ZHX2: variants seen among roughly 807,000 people sequenced by gnomAD.
ZHX2 encodes the protein zinc fingers and homeoboxes protein 2.
ZHX2 carries 6 observed loss-of-function variants against 21.9 expected under a neutral mutation model. That is an observed-to-expected ratio of 0.27 (90% CI 0.15 to 0.54). The LOEUF (loss-of-function observed/expected upper bound fraction) is 0.54, where lower values mean the gene tolerates loss of function less well. Ranked by LOEUF, ZHX2 falls within the 20% of genes least tolerant of loss-of-function variation. The probability of loss-of-function intolerance (pLI) is 0.95; values close to 1 mark genes in which losing one functional copy is unlikely to be tolerated. For synonymous variants in ZHX2, 434 were observed against 437.1 expected, an observed-to-expected ratio of 0.99 and a Z score of 0.09; for missense variants, 908 against 1,090.7, an observed-to-expected ratio of 0.83 and a Z score of 2.36.
chr8:122,929,754 G>A (rs1820938943), intron 2 of ZHX2, among the ~76,000 whole-genome samples: 1 of 151,954 alleles, frequency 6.6e-6, no homozygotes, highest in South Asian at 2.1e-4. Flanking sequence ...TTTGTTTCTT[G>A]TTCTTATATA....
Position 122,782,738 on chromosome 8 carries a change from G to A in ZHX2, c.-283+792G>A, listed in dbSNP as rs958845518. The stretch of plus-strand genomic sequence containing the variant: ...AGGGGGAGTCCGCGCGGGGCGGGGG[G>A]CCGAGGGCGGCCGCGGGACCCCCGG... On this transcript the variant is annotated intron_variant, in intron 1 of 3. Coordinates refer to ENST00000314393, the MANE Select transcript of ZHX2 (RefSeq NM_014943.5). The surrounding 1 kb of genome is among the most constrained non-coding windows in gnomAD (Gnocchi z 5.3). Among the ~76,000 whole-genome samples, 53 of 152,036 alleles carry A rather than the reference G, an allele frequency of 3.5e-4. No homozygotes were observed. The highest frequency in any genetic ancestry group is 5.6e-4 in the Non-Finnish European group (38 of 67,970).
chr8:122,891,674 T>A (rs1244099700), intron 2 of ZHX2, among the ~76,000 whole-genome samples: 2 of 152,356 alleles, frequency 1.3e-5, no homozygotes, highest in African/African-American at 4.8e-5. Flanking sequence ...CTTAACCTCT[T>A]CATTGAACCA....
intron 1 of ZHX2, among the ~76,000 whole-genome samples, chr8:122,799,846 T>C (rs1488327758): frequency 1.3e-5 from 2 of 152,206 alleles, no homozygotes; most frequent in African/African-American, 4.8e-5. Context: ...ACATTTGCTT[T>C]TCTTTTCTTT....
chr8:122,902,634 A>G (rs1156468186), intron 2 of ZHX2, among the ~76,000 whole-genome samples: 2 of 152,212 alleles, frequency 1.3e-5, no homozygotes, highest in African/African-American at 4.8e-5. Context: ...AGCTTGGGTA[A>G]GCAATGTAAT....
chr8:122,793,050 A>G (rs867085958), intron 1 of ZHX2, among the ~76,000 whole-genome samples: 1 of 152,158 alleles, frequency 6.6e-6, no homozygotes, highest in African/African-American at 2.4e-5. Flanking sequence ...TGCAGTCCCC[A>G]CAGTTAGCCT....
chr8:122,882,316 G>C (rs541852983), intron 2 of ZHX2, among the ~76,000 whole-genome samples: 265 of 145,286 alleles, frequency 1.8e-3, no homozygotes, highest in Middle Eastern at 0.017. Flanking sequence ...CACACACACA[G>C]AGAGAGAGAG....
At chr8:122,932,003 A>G (rs1821005864) in intron 2 of ZHX2, among the ~76,000 whole-genome samples, 1 of 152,182 alleles carries the variant, frequency 6.6e-6, no homozygotes, top group Non-Finnish European at 1.5e-5. Flanking sequence ...AAAGACTAGC[A>G]TTTTCAAATG....
At chr8:122,944,210 C>T (rs953862461) in intron 2 of ZHX2, among the ~76,000 whole-genome samples, 2 of 152,174 alleles carry the variant, frequency 1.3e-5, no homozygotes, top group African/African-American at 4.8e-5. Flanking sequence ...CCAGCTCTGC[C>T]ATGAACTAGC....
intron 1 of ZHX2, among the ~76,000 whole-genome samples, chr8:122,798,189 C>A (rs1177994265): frequency 6.6e-6 from 1 of 152,158 alleles, no homozygotes; most frequent in African/African-American, 2.4e-5. Context: ...TCTGGATATT[C>A]TGCTACGCCT....
rs1383136993 is a variant in ZHX2, at chr8:122,953,092, T to C, written c.1582T>C (p.Phe528Leu). The C allele has an allele frequency of 6.2e-7, 1 of 1,613,850 alleles. No homozygotes were observed. The highest frequency in any genetic ancestry group is 1.7e-5 in the Admixed American group (1 of 60,004). ...TCGCACGTATCATGCGTACCCAGAC[T>C]TTGCCCCCCAGAAGTTCAAAGAGAA... ...HGRTYHAYPD[F>L]APQKFKEKTQ... The change falls in exon 3 of 4, where the codon TTT becomes CTT. Residue 528 changes from phenylalanine to leucine, a missense_variant. Phe to Leu is a conservative substitution (Grantham distance 22). Coordinates refer to ENST00000314393, the MANE Select transcript of ZHX2 (RefSeq NM_014943.5). This position sits in a 1 kb window ranked among gnomAD's most constrained non-coding sequence, Gnocchi z 4.6.
At chr8:122,866,573 G>A (rs1035072269) in intron 2 of ZHX2, among the ~76,000 whole-genome samples, 8 of 152,142 alleles carry the variant, frequency 5.3e-5, no homozygotes, top group African/African-American at 1.9e-4. Flanking sequence ...AACTATTCTA[G>A]ATTCCTTTTC....
At chr8:122,913,315 G>A (rs1820524352) in intron 2 of ZHX2, among the ~76,000 whole-genome samples, 1 of 152,294 alleles carries the variant, frequency 6.6e-6, no homozygotes, top group Middle Eastern at 3.4e-3. Context: ...ATCATAAATA[G>A]TGCTGCTATG....
intron 1 of ZHX2, among the ~76,000 whole-genome samples, chr8:122,837,394 T>C (rs1818527175): frequency 6.6e-6 from 1 of 152,098 alleles, no homozygotes; most frequent in South Asian, 2.1e-4. Context: ...TCTCTAATCG[T>C]GAGCCCCATC....
intron 2 of ZHX2, among the ~76,000 whole-genome samples, chr8:122,937,258 A>C (rs1458441105): frequency 6.6e-6 from 1 of 152,254 alleles, no homozygotes; most frequent in African/African-American, 2.4e-5. Context: ...GGGGCATAGC[A>C]GACTCCAGGA....
intron 1 of ZHX2, among the ~76,000 whole-genome samples, chr8:122,820,156 A>G (rs985980543): frequency 2.0e-5 from 3 of 152,196 alleles, no homozygotes; most frequent in Non-Finnish European, 4.4e-5. Flanking sequence ...CCAGGGGGAA[A>G]AGCCGGCTGC....
At chr8:122,880,480 G>C (rs917342653) in intron 2 of ZHX2, among the ~76,000 whole-genome samples, 5 of 151,884 alleles carry the variant, frequency 3.3e-5, no homozygotes, top group Admixed American at 6.6e-5. Context: ...TTGAGATAGA[G>C]ATGCTCATGA....
At chr8:122,817,520 A>G (rs749980038) in intron 1 of ZHX2, among the ~76,000 whole-genome samples, 20 of 152,176 alleles carry the variant, frequency 1.3e-4, no homozygotes, top group Admixed American at 5.9e-4. Flanking sequence ...CCTCCTCAGC[A>G]TGGGAAAAGG....
At position 122,782,714 on chromosome 8, in the gene ZHX2, G is replaced by A. The variant is rs1329550938; in HGVS notation, c.-283+768G>A. On this transcript the variant is annotated intron_variant, in intron 1 of 3. Coordinates refer to ENST00000314393, the MANE Select transcript of ZHX2 (RefSeq NM_014943.5). The surrounding 1 kb of genome is among the most constrained non-coding windows in gnomAD (Gnocchi z 5.3). Reference sequence around the variant, plus strand: ...CTGTCCTCACCCCCGCTCAGGTGCAGGGGGAGTCCGCGCGGGGCGGGGGGC... The same window carrying A: ...CTGTCCTCACCCCCGCTCAGGTGCAAGGGGAGTCCGCGCGGGGCGGGGGGC... Among the ~76,000 whole-genome samples, 1 of 152,042 alleles carries A rather than the reference G, an allele frequency of 6.6e-6. No homozygotes were observed. The highest frequency in any genetic ancestry group is 2.4e-5 in the African/African-American group (1 of 41,424).
intron 1 of ZHX2, among the ~76,000 whole-genome samples, chr8:122,831,273 T>A (rs116550172): frequency 0.025 from 3,765 of 151,986 alleles, 139 homozygotes; most frequent in African/African-American, 0.085. Flanking sequence ...GCTTGGTGGG[T>A]AGGAAAAGGC....
Sources: gnomAD v4.1 joint callset for allele counts (sites outside exome capture counted in the v4.1 genomes callset) on GRCh38, gnomAD v4.1.1 for gene constraint, Gnocchi (gnomAD v3.1) non-coding constraint, MANE v1.5 for transcripts, NCBI Gene and HGNC (gene_info 2026-07-23, HGNC 2026-07-21) for gene names.